Variants in TEX14 observed in about 807,000 individuals in gnomAD.
The protein encoded by TEX14 is testis expressed 14, intercellular bridge forming factor, also known as inactive serine/threonine-protein kinase TEX14.
A neutral mutation model predicts 178.6 loss-of-function variants in TEX14; 168 were observed. The ratio of observed to expected loss-of-function variants is 0.94; its 90% CI spans 0.83 to 1.07. The LOEUF is 1.07. Ranked by LOEUF, TEX14 falls within the 50% of genes least tolerant of loss-of-function variation. The pLI, the probability that TEX14 is intolerant of heterozygous loss-of-function variation, is 0.00. For missense variants in TEX14, 1,730 were observed against 1,753.6 expected (o/e 0.99, Z 0.24); for synonymous variants, 626 against 634.1 (o/e 0.99, Z 0.19).
At chr17:58,684,201 C>T (rs1446799264) in intron 1 of TEX14, among the ~76,000 whole-genome samples, 1 of 151,798 alleles carries the variant, frequency 6.6e-6, no homozygotes, top group Non-Finnish European at 1.5e-5. Flanking sequence ...CTCACGTGAG[C>T]CTATAATCCC....
chr17:58,597,790 C>T (rs1189568806), intron 14 of TEX14, among the ~76,000 whole-genome samples: 1 of 152,200 alleles, frequency 6.6e-6, no homozygotes, highest in Non-Finnish European at 1.5e-5. Flanking sequence ...TGAGTTCCTT[C>T]TATGTACTGG....
At chr17:58,631,549 C>CA (rs1216295753) in intron 2 of TEX14, 1 of 151,770 alleles carries the variant, frequency 6.6e-6, no homozygotes, top group African/African-American at 2.4e-5. Context: ...ACACATCTCT[C>CA]AAAACACACA....
At chr17:58,665,140 T>A (rs1056105374) in intron 1 of TEX14, among the ~76,000 whole-genome samples, 2 of 152,050 alleles carry the variant, frequency 1.3e-5, no homozygotes, top group Non-Finnish European at 2.9e-5. Flanking sequence ...ACATTTTTAG[T>A]AGCTATATTA....
chr17:58,651,755 T>C lies in TEX14; in HGVS notation c.136+111A>G. Reference sequence around the variant, plus strand: ...GAGAACATCTAATTTCTACATTTAATTTCTGGATTTCCCCAAGGACTCATT... The same window carrying C: ...GAGAACATCTAATTTCTACATTTAACTTCTGGATTTCCCCAAGGACTCATT... On this transcript the variant is annotated intron_variant, in intron 2 of 31. Coordinates refer to ENST00000349033, the MANE Select transcript of TEX14 (RefSeq NM_031272.5). 3 of 1,012,542 alleles carry C rather than the reference T, an allele frequency of 3.0e-6. No individual in the cohort carries two copies. In the South Asian group the frequency reaches 6.2e-5, roughly 21 times the overall value. 62.7% of individuals were successfully genotyped at this position (1,012,542 alleles called of 1,614,324 possible).
chr17:58,688,520 G>T (rs767545588), intron 1 of TEX14, among the ~76,000 whole-genome samples: 5 of 152,202 alleles, frequency 3.3e-5, no homozygotes, highest in Admixed American at 6.5e-5. Context: ...TTAGAATGCT[G>T]TAAAAACTGA....
chr17:58,590,866 A>G (rs904792155), intron 15 of TEX14, among the ~76,000 whole-genome samples: 1 of 152,072 alleles, frequency 6.6e-6, no homozygotes, highest in Non-Finnish European at 1.5e-5. Flanking sequence ...AACAATTTCA[A>G]AATAAGTTTA....
At chr17:58,637,856 C>CTTTTTTTT (rs58823773) in intron 2 of TEX14, among the ~76,000 whole-genome samples, 4 of 135,704 alleles carry the variant, frequency 2.9e-5, no homozygotes, top group Non-Finnish European at 4.7e-5. Flanking sequence ...AACCTACTGC[C>CTTTTTTTT]TTTTTTTTTT....
Position 58,681,142 on chromosome 17 carries a change from G to A in TEX14, c.-2+10797C>T, listed in dbSNP as rs554161047. ...TAAAAATAAATTAGCCGGGCATGCT[G>A]GTGGGCACCTGGGTACTCGGGAGGC... is the stretch of plus-strand genomic sequence containing the variant. On this transcript the variant is annotated intron_variant, in intron 1 of 31. Coordinates refer to ENST00000349033, the MANE Select transcript of TEX14 (RefSeq NM_031272.5). Among the ~76,000 whole-genome samples the A allele has an allele frequency of 2.0e-5, 3 of 152,186 alleles. No homozygotes were observed. In the South Asian group the frequency reaches 6.2e-4, roughly 32 times the overall value.
In TEX14 at chr17:58,572,121, C is replaced by T. The variant is rs780532737; in HGVS notation, c.3517G>A (p.Val1173Ile). 37 of 1,604,116 alleles carry T rather than the reference C, an allele frequency of 2.3e-5. No homozygotes were observed. The highest frequency in any genetic ancestry group is 2.9e-5 in the Non-Finnish European group (34 of 1,171,830). ...SVSTPLSPGS[V>I]SSAASQYKDC... ...TTATACTGACTGGCAGCTGAAGAAA[C>T]GGACCCTGTTGGAGAAAAGCGGAAG... is the stretch of plus-strand genomic sequence containing the variant. Residue 1173 changes from valine to isoleucine, a missense_variant, in exon 24 of 32, where the codon GTT (valine) becomes ATT (isoleucine). This residue lies in a region of TEX14 where 941 missense variants were observed against 1,072.4 expected (regional missense o/e 0.88). Transcript: ENST00000349033.
At chr17:58,605,306 T>C (rs572726174) in intron 10 of TEX14, among the ~76,000 whole-genome samples, 177 bp from the exon 11 acceptor site, 5 of 152,182 alleles carry the variant, frequency 3.3e-5, no homozygotes, top group Non-Finnish European at 7.4e-5. Flanking sequence ...GCGATTCTCC[T>C]GCCTCAGCCT....
chr17:58,644,728 G>A (rs1487878719), intron 2 of TEX14, among the ~76,000 whole-genome samples: 3 of 117,028 alleles, frequency 2.6e-5, no homozygotes, highest in South Asian at 3.1e-4. Flanking sequence ...TGCAACCTCC[G>A]CCCCCCCTGG....
chr17:58,584,227 A>G (rs774823892), intron 19 of TEX14, among the ~76,000 whole-genome samples: 3 of 152,204 alleles, frequency 2.0e-5, no homozygotes, highest in Non-Finnish European at 4.4e-5. Flanking sequence ...TTAGCAAACT[A>G]TGCCAGAAAC....
intron 5 of TEX14, among the ~76,000 whole-genome samples, chr17:58,620,099 A>T (rs1598392335): frequency 6.6e-6 from 1 of 152,150 alleles, no homozygotes; most frequent in Admixed American, 6.6e-5. Context: ...CTGGAGAAGA[A>T]CATATACAAA....
In TEX14 at chr17:58,627,896, G is replaced by A. The variant is rs1311999723; in HGVS notation, c.251+2544C>T. ...ACGGGTATATGCAAACATCAGGTGA[G>A]CCAGCCCCCATGCCACCTTTTTTTT... On this transcript the variant is annotated intron_variant, in intron 3 of 31. Transcript: ENST00000349033. Among the ~76,000 whole-genome samples the A allele has an allele frequency of 2.8e-5, 4 of 144,516 alleles. No individual in the cohort carries two copies. In the East Asian group the frequency reaches 8.2e-4, roughly 30 times the overall value. The allele number at this position is 144,516 out of a possible 152,430, so 94.8% of individuals were successfully genotyped here.
chr17:58,628,189 A>G (rs991483560), intron 3 of TEX14, among the ~76,000 whole-genome samples: 15 of 152,118 alleles, frequency 9.9e-5, no homozygotes, highest in African/African-American at 3.6e-4. Context: ...CTTAATTCTC[A>G]TACTGATTGG....
At chr17:58,584,471 A>T in intron 19 of TEX14, 29 bp downstream of exon 19, 1 of 1,512,382 alleles carries the variant, frequency 6.6e-7, no homozygotes, top group Non-Finnish European at 9.2e-7. Context: ...CTTTGGGTTC[A>T]ACTTGGCTTT....
intron 1 of TEX14, among the ~76,000 whole-genome samples, chr17:58,668,830 C>T (rs1043556760): frequency 5.3e-5 from 8 of 152,182 alleles, no homozygotes; most frequent in Non-Finnish European, 7.3e-5. Context: ...ACCCTAACAT[C>T]CTACCCAAAG....
At chr17:58,558,440 G>C (rs1017521015) in intron 30 of TEX14, among the ~76,000 whole-genome samples, 1 of 152,200 alleles carries the variant, frequency 6.6e-6, no homozygotes, top group Non-Finnish European at 1.5e-5. Flanking sequence ...AGGTGCTGAA[G>C]TAAGCAGTGA....
At chr17:58,590,428 C>A (rs970704251) in intron 15 of TEX14, among the ~76,000 whole-genome samples, 2 of 152,056 alleles carry the variant, frequency 1.3e-5, no homozygotes, top group African/African-American at 4.8e-5. Flanking sequence ...GGAAATAATC[C>A]AAAATGCAAA....
Sources: allele counts gnomAD v4.1 joint callset (sites outside exome capture counted in the v4.1 genomes callset), GRCh38; gene constraint gnomAD v4.1.1; regional missense constraint gnomAD v4.1.1; transcripts MANE v1.5; gene names NCBI Gene and HGNC (gene_info 2026-07-23, HGNC 2026-07-21).